TEAD4: variants seen among roughly 807,000 people sequenced by gnomAD.
TEAD4 encodes the protein TEA domain transcription factor 4.
TEAD4 carries 36 observed loss-of-function variants against 52.4 expected under a neutral mutation model. That is an observed-to-expected ratio of 0.69 (90% CI 0.53 to 0.91). TEAD4 has a LOEUF of 0.91. TEAD4 is among the 40% of genes least tolerant of loss of function. TEAD4 has a pLI of 0.00. For synonymous variants in TEAD4, 220 were observed against 231.0 expected (o/e 0.95, Z 0.43); for missense variants, 508 against 583.9 (o/e 0.87, Z 1.34).
At chr12:2,975,400 T>C (rs934676604) in intron 2 of TEAD4, among the ~76,000 whole-genome samples, 1 of 121,634 alleles carries the variant, frequency 8.2e-6, no homozygotes, top group Non-Finnish European at 1.6e-5. Flanking sequence ...ATTATTATTA[T>C]TACTAGAGAT....
chr12:3,038,204 G>A, intron 11 of TEAD4, 96 bp downstream of exon 11: 1 of 1,483,926 alleles, frequency 6.7e-7, no homozygotes, highest in Non-Finnish European at 9.1e-7. Context: ...CCCTCCGTTA[G>A]GGAGCCAGGA....
intron 3 of TEAD4, among the ~76,000 whole-genome samples, chr12:3,000,739 G>T (rs1384408238): frequency 6.6e-6 from 1 of 152,178 alleles, no homozygotes; most frequent in East Asian, 1.9e-4. Flanking sequence ...GGGGGACCCT[G>T]GTGGAGGATC....
chr12:3,029,915 T>G (rs1280561450), intron 10 of TEAD4, among the ~76,000 whole-genome samples: 6 of 152,312 alleles, frequency 3.9e-5, no homozygotes, highest in Admixed American at 3.9e-4. Context: ...ACTGGACTTT[T>G]TTTTCCCCCT....
intron 2 of TEAD4, among the ~76,000 whole-genome samples, chr12:2,968,139 T>G (rs2098221943): frequency 7.2e-6 from 1 of 139,340 alleles, no homozygotes; most frequent in African/African-American, 2.6e-5. Context: ...CAGGTTGGAG[T>G]GCAATGGCGT....
chr12:2,987,210 A>C (rs1228938929), intron 2 of TEAD4, among the ~76,000 whole-genome samples: 1 of 152,184 alleles, frequency 6.6e-6, no homozygotes, highest in Non-Finnish European at 1.5e-5. Context: ...TGGGAATGCA[A>C]GCCTTGGGTG....
At chr12:3,019,238 C>G in intron 8 of TEAD4, 68 bp downstream of exon 8, 1 of 1,582,902 alleles carries the variant, frequency 6.3e-7, no homozygotes, top group Non-Finnish European at 8.6e-7. Context: ...GTCCAGGCCC[C>G]CGGCAGCCGA....
Position 2,994,728 on chromosome 12 carries a change from G to A in TEAD4, c.-29-10G>A. On this transcript the variant is annotated splice_polypyrimidine_tract_variant and intron_variant, in intron 2 of 12. Transcript: ENST00000359864. The surrounding 1 kb of genome is among the most constrained non-coding windows in gnomAD (Gnocchi z 4.7). The stretch of plus-strand genomic sequence containing the variant: ...ACTGCTCACCGGGGCTGTGGTTCCT[G>A]TCCCCACAGGTCCAACGAGCGCTCC... The A allele has an allele frequency of 1.3e-6, 2 of 1,557,048 alleles. No homozygotes were observed. Among genetic ancestry groups the A allele is most frequent in the Non-Finnish European group, 1.7e-6 (2 of 1,152,110 alleles).
At chr12:2,997,359 C>A (rs1226412229) in intron 3 of TEAD4, among the ~76,000 whole-genome samples, 1 of 152,128 alleles carries the variant, frequency 6.6e-6, no homozygotes, top group East Asian at 1.9e-4. Flanking sequence ...CCTGGGGAAG[C>A]GTCATGGGGG....
At chr12:3,009,588 C>T (rs879469776) in intron 3 of TEAD4, among the ~76,000 whole-genome samples, 6 of 152,214 alleles carry the variant, frequency 3.9e-5, no homozygotes, top group East Asian at 3.9e-4. Context: ...ATTCACCCAC[C>T]GGTGATGACT....
chr12:3,036,855 C>T (rs2098279722), intron 10 of TEAD4, among the ~76,000 whole-genome samples: 1 of 152,124 alleles, frequency 6.6e-6, no homozygotes. Flanking sequence ...TCATCTGGTG[C>T]CTTCCTTTCT....
rs370613658 is a variant in TEAD4, at chr12:3,033,103, A to C, written c.898-4865A>C. 2.8e-3 allele frequency among the ~76,000 whole-genome samples: 427 copies of C among 152,252 alleles called. 12 individuals carry two copies. The South Asian group carries it at 0.049, about 17-fold the overall frequency. ...GGCTGTTTTCTCAGTCCTGGCTCCCAGGCCCTGAATGTGTGTGCTGGAGAG... is the reference window on the plus strand; with the variant it reads ...GGCTGTTTTCTCAGTCCTGGCTCCCCGGCCCTGAATGTGTGTGCTGGAGAG... On this transcript the variant is annotated intron_variant, in intron 10 of 12. Transcript: ENST00000359864.
chr12:3,037,755 T>C (rs1300794339), intron 10 of TEAD4, among the ~76,000 whole-genome samples: 1 of 152,104 alleles, frequency 6.6e-6, no homozygotes, highest in African/African-American at 2.4e-5. Context: ...GGTCCCAGTG[T>C]CCTCTTTTCC....
intron 2 of TEAD4, among the ~76,000 whole-genome samples, chr12:2,972,308 C>T (rs1009400318): frequency 1.3e-5 from 2 of 151,866 alleles, no homozygotes; most frequent in East Asian, 1.9e-4. Flanking sequence ...TCTCAAACTC[C>T]TGGGCTCAAG....
rs957369623 is a variant in TEAD4 at position 2,964,226 on chromosome 12, G to A, written c.-30+4186G>A. Among the ~76,000 whole-genome samples the A allele has an allele frequency of 9.2e-5, 14 of 152,262 alleles. No individual in the cohort carries two copies. The East Asian group carries it at 1.9e-3, about 21-fold the overall frequency. On this transcript the variant is annotated intron_variant, in intron 2 of 12. Coordinates refer to ENST00000359864, the MANE Select transcript of TEAD4 (RefSeq NM_003213.4). ...GTTTGCCAGCCTCCGCTCGTGCCAC[G>A]CTCGCCCCTGCCAGGACTTGGTCTT...
intron 8 of TEAD4, 75 bp from the exon 9 acceptor site, chr12:3,020,559 T>A: frequency 6.9e-7 from 1 of 1,444,022 alleles, no homozygotes; most frequent in Non-Finnish European, 9.1e-7. Context: ...CGAGGAGGCC[T>A]GGGGTCCTTG....
In TEAD4 at chr12:3,013,509, G is replaced by A. The variant is rs1253673174; in HGVS notation, c.354+1277G>A. ...AGCACTTTGGGAGGCCGAGTTGGGCGGATCACTTGAGGTCAGGAGTTCAAG... is the reference window on the plus strand; with the variant it reads ...AGCACTTTGGGAGGCCGAGTTGGGCAGATCACTTGAGGTCAGGAGTTCAAG... On this transcript the variant is annotated intron_variant, in intron 5 of 12. Coordinates refer to ENST00000359864, the MANE Select transcript of TEAD4 (RefSeq NM_003213.4). Among the ~76,000 whole-genome samples, 6 of 152,202 alleles carry A rather than the reference G, an allele frequency of 3.9e-5. No individual in the cohort carries two copies. The South Asian group carries it at 1.0e-3, about 26-fold the overall frequency.
chr12:2,969,856 A>G (rs567687565), intron 2 of TEAD4, among the ~76,000 whole-genome samples: 1 of 152,342 alleles, frequency 6.6e-6, no homozygotes, highest in African/African-American at 2.4e-5. Context: ...AACCCCAGAG[A>G]GCAGTGGCTA....
intron 2 of TEAD4, among the ~76,000 whole-genome samples, chr12:2,984,962 T>C (rs1447803606): frequency 6.6e-6 from 1 of 152,220 alleles, no homozygotes; most frequent in Non-Finnish European, 1.5e-5. Flanking sequence ...CTGATACTAC[T>C]GTAGACTTTA....
At chr12:2,981,254 T>C (rs1259723105) in intron 2 of TEAD4, among the ~76,000 whole-genome samples, 8 of 152,224 alleles carry the variant, frequency 5.3e-5, no homozygotes, top group Non-Finnish European at 1.2e-4. Context: ...GGGCTTGCAC[T>C]GTGTGAGGAG....
Sources: gnomAD v4.1 joint callset for allele counts (sites outside exome capture counted in the v4.1 genomes callset) on GRCh38, gnomAD v4.1.1 for gene constraint, Gnocchi (gnomAD v3.1) non-coding constraint, MANE v1.5 for transcripts, NCBI Gene and HGNC (gene_info 2026-07-23, HGNC 2026-07-21) for gene names.